UEVLD: variants seen among roughly 807,000 people sequenced by gnomAD.
UEVLD encodes UEV and lactate/malate dehyrogenase domains.
In UEVLD, 47 loss-of-function variants were observed where a neutral mutation model predicts 58.6. The observed-to-expected ratio is 0.80, with a 90% CI of 0.63 to 1.02. The LOEUF (loss-of-function observed/expected upper bound fraction) is 1.02. UEVLD is among the 50% of genes least tolerant of loss of function. The pLI is 0.00. For missense variants in UEVLD, 510 were observed against 550.6 expected, an observed-to-expected ratio of 0.93 and a Z score of 0.74; for synonymous variants, 197 against 195.3, an observed-to-expected ratio of 1.01 and a Z score of -0.07.
At chr11:18,537,324 A>ATTTTTTTTT (rs1554974951) in intron 9 of UEVLD, among the ~76,000 whole-genome samples, 9 of 131,568 alleles carry the variant, frequency 6.8e-5, no homozygotes, top group Admixed American at 1.5e-4. Flanking sequence ...ATATATATAT[A>ATTTTTTTTT]TTTTTTTTTT....
chr11:18,564,021 AAAAG>A, intron 6 of UEVLD: 7 of 358,052 alleles, frequency 2.0e-5, no homozygotes, highest in East Asian at 7.6e-5. Flanking sequence ...AAAAAAAAAA[AAAAG>A]AGGTGATAGT....
At chr11:18,588,448 T>A (rs1267332831) in intron 1 of UEVLD, among the ~76,000 whole-genome samples, 165 bp downstream of exon 1, 4 of 152,086 alleles carry the variant, frequency 2.6e-5, no homozygotes. Context: ...CCAGGTCCCC[T>A]CAGCCTCCCT....
intron 6 of UEVLD, among the ~76,000 whole-genome samples, chr11:18,560,913 A>C (rs1852000764): frequency 6.6e-6 from 1 of 152,042 alleles, no homozygotes; most frequent in South Asian, 2.1e-4. Flanking sequence ...CGGGAGGCTG[A>C]GGCAGGAGAA....
At chr11:18,585,079 T>C (rs968478434) in intron 1 of UEVLD, among the ~76,000 whole-genome samples, 2 of 152,178 alleles carry the variant, frequency 1.3e-5, no homozygotes, top group African/African-American at 4.8e-5. Context: ...AAAATTGAGA[T>C]AGGGTCTTGC....
chr11:18,555,153 G>A (rs976063338), intron 7 of UEVLD, among the ~76,000 whole-genome samples: 31 of 152,122 alleles, frequency 2.0e-4, no homozygotes, highest in African/African-American at 6.5e-4. Context: ...AGGGCCAGGT[G>A]CGGTGGCTCA....
At position 18,532,207 on chromosome 11, in the gene UEVLD, C is replaced by A. The variant is rs1156901163; in HGVS notation, c.*113G>T. The A allele has an allele frequency of 1.3e-5, 13 of 993,260 alleles. No homozygotes were observed. Among genetic ancestry groups the A allele is most frequent in the Non-Finnish European group, 1.8e-5 (13 of 708,830 alleles). The allele number at this position is 993,260 out of a possible 1,614,324, so 61.5% of individuals were successfully genotyped here. A position where few individuals can be genotyped will look rare whatever the true frequency, so the allele number is the denominator to read the frequency against. ...CAAGAAACCCTCTACTTTAACCAAG[C>A]AGTTTGTAAAAGTAAGTAGCAGGAT... On this transcript the variant is annotated 3_prime_UTR_variant, in exon 12 of 12. Transcript: ENST00000396197.
At chr11:18,573,982 C>G (rs1391378986) in intron 3 of UEVLD, among the ~76,000 whole-genome samples, 2 of 152,160 alleles carry the variant, frequency 1.3e-5, no homozygotes, top group East Asian at 1.9e-4. Context: ...AGTGTATCTT[C>G]TGTTTCAAAT....
chr11:18,583,772 C>T (rs1245750703), intron 1 of UEVLD, among the ~76,000 whole-genome samples: 1 of 150,506 alleles, frequency 6.6e-6, no homozygotes, highest in Non-Finnish European at 1.5e-5. Flanking sequence ...AGCGATTGTC[C>T]TGCCTCAGCC....
chr11:18,560,673 TA>T (rs1369058803), intron 6 of UEVLD, among the ~76,000 whole-genome samples: 1 of 152,196 alleles, frequency 6.6e-6, no homozygotes, highest in Non-Finnish European at 1.5e-5. Context: ...TGTCACCATG[TA>T]ATCAATCCGT....
Position 18,566,346 on chromosome 11 carries a change from C to A in UEVLD, c.493+1G>T. 6.2e-7 allele frequency: 1 copy of A among 1,613,800 alleles called. No homozygotes were observed. The highest frequency in any genetic ancestry group is 2.2e-5 in the East Asian group (1 of 44,870). On this transcript the variant is annotated splice_donor_variant, in intron 5 of 11. Coordinates refer to ENST00000396197, the MANE Select transcript of UEVLD (RefSeq NM_001040697.4). LOFTEE classifies it high-confidence loss of function. ...ATAATCTGCCTGACAAATATACAAA[C>A]CTTCAGTGATTTTTGCAATATAGGC...
intron 1 of UEVLD, 78 bp downstream of exon 1, chr11:18,588,535 G>C: frequency 6.5e-7 from 1 of 1,538,342 alleles, no homozygotes; most frequent in Non-Finnish European, 8.8e-7. Context: ...AACGCAAAAC[G>C]GAGGCAACCT....
Position 18,570,234 on chromosome 11 carries a change from A to G in UEVLD, c.337T>C (p.Tyr113His). Residue 113 changes from tyrosine (Y) to histidine (H), a missense_variant, in exon 4 of 12, where the codon TAT (tyrosine) becomes CAT (histidine). Tyr to His is a moderately conservative substitution (Grantham distance 83). Transcript: ENST00000396197. Reference sequence around the variant, plus strand: ...CTTACATGGCTCCAGTTTTGGAGATAGGGCAAATATATTCTGCCTTGAGCA... The same window carrying G: ...CTTACATGGCTCCAGTTTTGGAGATGGGGCAAATATATTCTGCCTTGAGCA... Reference protein sequence around the residue: ...VDAQGRIYLPYLQNWSHPKSV... With the variant: ...VDAQGRIYLPHLQNWSHPKSV... 1 of 1,602,528 alleles carries G rather than the reference A, an allele frequency of 6.2e-7. No homozygotes were observed. Among genetic ancestry groups the G allele is most frequent in the Non-Finnish European group, 8.5e-7 (1 of 1,176,522 alleles).
In UEVLD at chr11:18,532,351, A is replaced by G; in HGVS notation, c.1385T>C (p.Ile462Thr). ...TEKLQSSASS[I>T]HSLQQQLKL Reference sequence around the variant, plus strand: ...TTTTAACTGTTGTTGGAGACTGTGGATTGAGGATGCACTGCTTTGGAGTTT... The same window carrying G: ...TTTTAACTGTTGTTGGAGACTGTGGGTTGAGGATGCACTGCTTTGGAGTTT... Residue 462 changes from isoleucine (I) to threonine (T), a missense_variant, in exon 12 of 12, where the codon ATC becomes ACC. Physicochemically the swap from Ile to Thr is moderately conservative, Grantham distance 89. Transcript: ENST00000396197. The G allele has an allele frequency of 6.2e-7, 1 of 1,611,638 alleles. No individual in the cohort carries two copies. The highest frequency in any genetic ancestry group is 8.5e-7 in the Non-Finnish European group (1 of 1,179,086).
Position 18,570,504 on chromosome 11 carries a change from G to A in UEVLD, c.194-127C>T, listed in dbSNP as rs1852547434. 6 of 849,316 alleles carry A rather than the reference G, an allele frequency of 7.1e-6. No individual in the cohort carries two copies. The East Asian group carries it at 1.3e-4, about 19-fold the overall frequency. 52.6% of individuals were successfully genotyped at this position (849,316 alleles called of 1,614,324 possible). On this transcript the variant is annotated intron_variant, in intron 3 of 11. Coordinates refer to ENST00000396197, the MANE Select transcript of UEVLD (RefSeq NM_001040697.4). Reference sequence around the variant, plus strand: ...CTGAAGCCTGTAATCCCAGCACTTTGGGATGCTGAGGTGAGCAGATTGCAT... The same window carrying A: ...CTGAAGCCTGTAATCCCAGCACTTTAGGATGCTGAGGTGAGCAGATTGCAT...
rs563090197 is a variant in UEVLD, at chr11:18,552,473, G to A, written c.716-5423C>T. On this transcript the variant is annotated intron_variant, in intron 7 of 11. Transcript: ENST00000396197. ...GAGGCAGGAGAATCACTTGAACCCA[G>A]GAGGCGGAGGTGGCAGTGAGCCGAG... Among the ~76,000 whole-genome samples, 8 of 152,310 alleles carry A rather than the reference G, an allele frequency of 5.3e-5. No individual in the cohort carries two copies. In the South Asian group the frequency reaches 1.7e-3, roughly 32 times the overall value.
intron 11 of UEVLD, 34 bp from the exon 12 acceptor site, chr11:18,532,521 A>G: frequency 1.3e-6 from 2 of 1,485,568 alleles, no homozygotes; most frequent in Non-Finnish European, 1.8e-6. Context: ...TAATAGAACT[A>G]AATCATTGCA....
chr11:18,551,338 G>A (rs1333428090), intron 7 of UEVLD, among the ~76,000 whole-genome samples: 2 of 149,536 alleles, frequency 1.3e-5, no homozygotes, highest in East Asian at 2.0e-4. Context: ...CAAGAGAATC[G>A]CTTGAACCTG....
At chr11:18,574,685 T>C (rs1352451370) in intron 3 of UEVLD, among the ~76,000 whole-genome samples, 3 of 152,228 alleles carry the variant, frequency 2.0e-5, no homozygotes, top group Non-Finnish European at 4.4e-5. Context: ...TCTAAACTGC[T>C]AGGTCACTCT....
At chr11:18,569,596 C>T (rs555004169) in intron 4 of UEVLD, among the ~76,000 whole-genome samples, 1 of 151,448 alleles carries the variant, frequency 6.6e-6, no homozygotes, top group Non-Finnish European at 1.5e-5. Flanking sequence ...AAATACAATA[C>T]GCAATATCCT....
Sources: gnomAD v4.1 joint callset for allele counts (sites outside exome capture counted in the v4.1 genomes callset) on GRCh38, gnomAD v4.1.1 for gene constraint, MANE v1.5 for transcripts, NCBI Gene and HGNC (gene_info 2026-07-23, HGNC 2026-07-21) for gene names.